APEH: variants seen among roughly 807,000 people sequenced by gnomAD.
The protein encoded by APEH is acylaminoacyl-peptide hydrolase.
Under a neutral mutation model 102.7 loss-of-function variants are expected in APEH, and 75 were observed. The observed-to-expected ratio is 0.73, with a 90% CI of 0.61 to 0.89. APEH has a LOEUF of 0.89. Ranked by LOEUF, APEH falls within the 40% of genes least tolerant of loss-of-function variation. APEH has a pLI of 0.00. For synonymous variants in APEH, 344 were observed against 362.7 expected, an observed-to-expected ratio of 0.95 and a Z score of 0.59; for missense variants, 863 against 941.2, an observed-to-expected ratio of 0.92 and a Z score of 1.09.
At position 49,677,581 on chromosome 3, in the gene APEH, G is replaced by A. The variant is rs199629754; in HGVS notation, c.1008G>A (p.Trp336Ter). Residue 336 changes from tryptophan (W) to a stop codon, truncating the protein, a stop_gained, in exon 11 of 22, where the codon TGG (tryptophan) becomes TGA (stop). Coordinates refer to ENST00000296456, the MANE Select transcript of APEH (RefSeq NM_001640.4). LOFTEE classifies it high-confidence loss of function. ...HQCSQLCLYD[W>*]YTKVTSVVVD... ...ATTGTGTTCTCTTGCAGTATGACTG[G>A]TATACCAAGGTTACCTCAGTGGTGG... The A allele has an allele frequency of 6.2e-7, 1 of 1,613,602 alleles. No homozygotes were observed. Among genetic ancestry groups the A allele is most frequent in the African/African-American group, 1.3e-5 (1 of 74,914 alleles).
In APEH at chr3:49,674,516, G is replaced by T; in HGVS notation, c.40G>T (p.Ala14Ser). The T allele has an allele frequency of 6.4e-7, 1 of 1,566,658 alleles. No homozygotes were observed. Among genetic ancestry groups the T allele is most frequent in the Non-Finnish European group, 8.6e-7 (1 of 1,163,636 alleles). ...GCTGCTGAGCGAGCCCGAGGAGGCG[G>T]CGGCTCTGTATCGGGGCCTTAGCCG... is the stretch of plus-strand genomic sequence containing the variant. ...QVLLSEPEEA[A>S]ALYRGLSRQP... Residue 14 changes from alanine to serine, a missense_variant, in exon 2 of 22, where the codon GCG (alanine) becomes TCG (serine). By Grantham distance (99) the Ala-to-Ser change is moderately conservative. Transcript: ENST00000296456.
chr3:49,683,344 G>T lies in APEH; in HGVS notation c.*2G>T, dbSNP rs2053445280. The T allele has an allele frequency of 1.2e-6, 2 of 1,608,834 alleles. No homozygotes were observed. Among genetic ancestry groups the T allele is most frequent in the Non-Finnish European group, 1.7e-6 (2 of 1,175,636 alleles). On this transcript the variant is annotated 3_prime_UTR_variant, in exon 22 of 22. Transcript: ENST00000296456. Reference sequence around the variant, plus strand: ...CTACGCACACACTTGGGCAGCTGAAGCCCTGCCATTCTGCATGAGCTGATC... The same window carrying T: ...CTACGCACACACTTGGGCAGCTGAATCCCTGCCATTCTGCATGAGCTGATC...
In APEH at chr3:49,676,643, TTG is replaced by T. The variant is rs1237016564; in HGVS notation, c.782_783del (p.Val261GlyfsTer5). 1 of 1,614,144 alleles carries T rather than the reference TTG, an allele frequency of 6.2e-7. No individual in the cohort carries two copies. The highest frequency in any genetic ancestry group is 8.5e-7 in the Non-Finnish European group (1 of 1,180,056). On this transcript the variant is annotated frameshift_variant, in exon 8 of 22. Coordinates refer to ENST00000296456, the MANE Select transcript of APEH (RefSeq NM_001640.4). LOFTEE classifies it high-confidence loss of function. ...GCCCCTGGAGATGCTGGTGTGGTGT[TTG>T]TGGGCTGGTGGCATGAGCCCTTCCG...
rs946455196 is a variant in APEH at position 49,674,608 on chromosome 3, G to A, written c.132G>A (p.Arg44=). The part of the protein sequence containing the change: ...EVTTQYGGQY[R]TVHTEWTQRD... Reference sequence around the variant, plus strand: ...CCACGCAGTACGGCGGCCAATACCGGACGGTGCACACTGGTGTGTGTGCGA... The same window carrying A: ...CCACGCAGTACGGCGGCCAATACCGAACGGTGCACACTGGTGTGTGTGCGA... The change falls in exon 2 of 22, where the codon CGG becomes CGA. Residue 44 remains arginine, a synonymous_variant. Transcript: ENST00000296456. 4.1e-5 allele frequency: 65 copies of A among 1,584,988 alleles called. No homozygotes were observed. The highest frequency in any genetic ancestry group is 5.4e-5 in the Non-Finnish European group (63 of 1,175,118).
At position 49,674,409 on chromosome 3, in the gene APEH, G is replaced by C. The variant is rs769586855; in HGVS notation, c.8G>C (p.Arg3Pro). The change falls in exon 1 of 22, where the codon CGT becomes CCT. Residue 3 changes from arginine to proline, a missense_variant. Physicochemically the swap from Arg to Pro is moderately radical, Grantham distance 103 (BLOSUM62 -2). Coordinates refer to ENST00000296456, the MANE Select transcript of APEH (RefSeq NM_001640.4). ...GGCGGCAGAGAGGAGACTATGGAAC[G>C]TCAGGTGAGGGCTCGGCCCGCGGTC... ME[R>P]QVLLSEPEEA... The C allele has an allele frequency of 9.5e-6, 15 of 1,576,218 alleles. No homozygotes were observed. Among genetic ancestry groups the C allele is most frequent in the Non-Finnish European group, 8.6e-6 (10 of 1,167,344 alleles).
intron 2 of APEH, 77 bp from the exon 3 acceptor site, chr3:49,675,106 C>T: frequency 6.3e-7 from 1 of 1,591,572 alleles, no homozygotes; most frequent in Non-Finnish European, 8.6e-7. Flanking sequence ...TCTAGGCCTT[C>T]CTGGGTCAGG....
rs1164274313 is a variant in APEH, at chr3:49,681,903, C to T, written c.1539C>T (p.Ser513=). 1 of 1,614,204 alleles carries T rather than the reference C, an allele frequency of 6.2e-7. No homozygotes were observed. The highest frequency in any genetic ancestry group is 8.5e-7 in the Non-Finnish European group (1 of 1,180,026). The change falls in exon 17 of 22, where the codon TCC becomes TCT. Residue 513 remains serine, a synonymous_variant. Transcript: ENST00000296456. ...VVMPHGGPHS[S]FVTAWMLFPA... ...TGTCTGCAGGGGGGCCCCATTCATC[C>T]TTTGTCACTGCCTGGATGCTGTTCC...
chr3:49,680,450 TAG>T (rs1475868946), intron 13 of APEH, 89 bp from the exon 14 acceptor site: 23 of 1,207,404 alleles, frequency 1.9e-5, no homozygotes, highest in Non-Finnish European at 7.4e-6. Flanking sequence ...CACCTTTCCA[TAG>T]AGTCTCCAGC....
At position 49,679,751 on chromosome 3, in the gene APEH, C is replaced by G; in HGVS notation, c.1210+107C>G. On this transcript the variant is annotated intron_variant, in intron 13 of 21. Transcript: ENST00000296456. This position sits in a 1 kb window ranked among gnomAD's most constrained non-coding sequence, Gnocchi z 4.3. Reference sequence around the variant, plus strand: ...TGTGGGGCAGTGATGGCATTCTCAGCCACTCAGCACCACTGACTGTTCCAC... The same window carrying G: ...TGTGGGGCAGTGATGGCATTCTCAGGCACTCAGCACCACTGACTGTTCCAC... 9.0e-7 allele frequency: 1 copy of G among 1,108,032 alleles called. No homozygotes were observed. Among genetic ancestry groups the G allele is most frequent in the Non-Finnish European group, 1.3e-6 (1 of 743,736 alleles). 68.6% of individuals were successfully genotyped at this position (1,108,032 alleles called of 1,614,324 possible).
At chr3:49,674,454 G>C in intron 1 of APEH, 35 bp from the exon 2 acceptor site, 1 of 1,570,064 alleles carries the variant, frequency 6.4e-7, no homozygotes, top group Non-Finnish European at 8.6e-7. Context: ...CCTGCAGCCC[G>C]GGCCGGGCCT....
Position 49,682,415 on chromosome 3 carries a change from C to G in APEH, c.1671C>G (p.His557Gln), listed in dbSNP as rs757130027. Residue 557 changes from histidine to glutamine, a missense_variant, in exon 18 of 22, where the codon CAC becomes CAG. By Grantham distance (24) the His-to-Gln change is conservative (BLOSUM62 0). Coordinates refer to ENST00000296456, the MANE Select transcript of APEH (RefSeq NM_001640.4). Reference sequence around the variant, plus strand: ...TCTCCCTCCCAGGCAATGTGGGCCACCAGGATGTGAAGGATGTCCAGGTAG... The same window carrying G: ...TCTCCCTCCCAGGCAATGTGGGCCAGCAGGATGTGAAGGATGTCCAGGTAG... ...SILSLPGNVGHQDVKDVQFAV... is the reference protein window; with the variant it reads ...SILSLPGNVGQQDVKDVQFAV... 6.2e-7 allele frequency: 1 copy of G among 1,614,048 alleles called. No homozygotes were observed. The highest frequency in any genetic ancestry group is 1.1e-5 in the South Asian group (1 of 91,086).
At chr3:49,673,249 CAG>C (rs1400431471), upstream of APEH, among the ~76,000 whole-genome samples, 1 of 151,836 alleles carries the variant, frequency 6.6e-6, no homozygotes, top group Admixed American at 6.6e-5. Context: ...GAAGACCAGC[CAG>C]ACTCAGGTAT....
intron 15 of APEH, 89 bp downstream of exon 15, chr3:49,681,328 T>C (rs2053310314): frequency 7.2e-7 from 1 of 1,379,556 alleles, no homozygotes; most frequent in Non-Finnish European, 9.5e-7. Flanking sequence ...CTCTCTCACA[T>C]TGTGGGGTTT....
chr3:49,681,486 T>G (rs1272016633), intron 15 of APEH, among the ~76,000 whole-genome samples: 1 of 152,122 alleles, frequency 6.6e-6, no homozygotes, highest in Non-Finnish European at 1.5e-5. Flanking sequence ...CCAAAGAAAA[T>G]AGGCCTCATA....
At chr3:49,677,462 G>T (rs1260837810) in intron 10 of APEH, 111 bp from the exon 11 acceptor site, 1 of 982,018 alleles carries the variant, frequency 1.0e-6, no homozygotes, top group Non-Finnish European at 1.6e-6. Flanking sequence ...GCTTATTCCA[G>T]TTCCCCCATC....
In APEH at chr3:49,676,452, GGAT is replaced by G; in HGVS notation, c.683_685del (p.Asp228del). On this transcript the variant is annotated inframe_deletion, in exon 7 of 22. Coordinates refer to ENST00000296456, the MANE Select transcript of APEH (RefSeq NM_001640.4). The stretch of plus-strand genomic sequence containing the variant: ...AAAGCATCCCTGTGCTCTGCGTGCT[GGAT>G]GTCGAGAGTGGCAACATCTCTGTGC... 3 of 1,614,248 alleles carry G rather than the reference GGAT, an allele frequency of 1.9e-6. No individual in the cohort carries two copies. Among genetic ancestry groups the G allele is most frequent in the Non-Finnish European group, 2.5e-6 (3 of 1,180,032 alleles).
chr3:49,674,369 GC>G lies in APEH; in HGVS notation c.-29del, dbSNP rs1379598441. On this transcript the variant is annotated 5_prime_UTR_variant, in exon 1 of 22. Transcript: ENST00000296456. Reference sequence around the variant, plus strand: ...AAGCCTCACTTCCGGGCGCGAGCACGCCCCGCCTCGCCCCGGCGGCAGAGAG... The same window carrying G: ...AAGCCTCACTTCCGGGCGCGAGCACGCCCGCCTCGCCCCGGCGGCAGAGAG... 2 of 1,550,174 alleles carry G rather than the reference GC, an allele frequency of 1.3e-6. No individual in the cohort carries two copies. The highest frequency in any genetic ancestry group is 8.7e-7 in the Non-Finnish European group (1 of 1,154,570).
At position 49,682,417 on chromosome 3, in the gene APEH, A is replaced by G; in HGVS notation, c.1673A>G (p.Gln558Arg). 1.2e-6 allele frequency: 2 copies of G among 1,613,996 alleles called. No individual in the cohort carries two copies. Among genetic ancestry groups the G allele is most frequent in the Non-Finnish European group, 1.7e-6 (2 of 1,179,922 alleles). The change falls in exon 18 of 22, where the codon CAG becomes CGG. Residue 558 changes from glutamine to arginine, a missense_variant. Coordinates refer to ENST00000296456, the MANE Select transcript of APEH (RefSeq NM_001640.4). Reference protein sequence around the residue: ...ILSLPGNVGHQDVKDVQFAVE... With the variant: ...ILSLPGNVGHRDVKDVQFAVE... ...TCCCTCCCAGGCAATGTGGGCCACC[A>G]GGATGTGAAGGATGTCCAGGTAGCA... is the stretch of plus-strand genomic sequence containing the variant.
rs1323714351 is a variant in APEH at position 49,683,773 on chromosome 3, CCT to C, written c.*432_*433del. The C allele has an allele frequency of 1.8e-6, 1 of 551,590 alleles. No individual in the cohort carries two copies. Among genetic ancestry groups the C allele is most frequent in the African/African-American group, 1.9e-5 (1 of 52,896 alleles). The allele number at this position is 551,590 out of a possible 1,614,324, so 34.2% of individuals were successfully genotyped here. On this transcript the variant is annotated 3_prime_UTR_variant, in exon 22 of 22. Coordinates refer to ENST00000296456, the MANE Select transcript of APEH (RefSeq NM_001640.4). ...TATGTCTGGAGGACTAGTGTGAGGC[CCT>C]GTCTTTCCACGGCACCCATGGGCAA...
Sources: allele counts gnomAD v4.1 joint callset (sites outside exome capture counted in the v4.1 genomes callset), GRCh38; gene constraint gnomAD v4.1.1; non-coding constraint Gnocchi (gnomAD v3.1); transcripts MANE v1.5; gene names NCBI Gene and HGNC (gene_info 2026-07-23, HGNC 2026-07-21).